NCKAP5: variants seen among roughly 807,000 people sequenced by gnomAD.
NCKAP5 encodes the protein nck-associated protein 5.
In NCKAP5, 92 loss-of-function variants were observed where a neutral mutation model predicts 167.0. That is an observed-to-expected ratio of 0.55 (90% CI 0.47 to 0.66). The LOEUF (loss-of-function observed/expected upper bound fraction) is 0.66, where lower values mean the gene tolerates loss of function less well. Among genes scored for constraint, NCKAP5 ranks in the 30% least tolerant of loss-of-function variants. The pLI is 0.00. For missense variants in NCKAP5, 2,378 were observed against 2,315.0 expected, an observed-to-expected ratio of 1.03 and a Z score of -0.56; for synonymous variants, 891 against 877.4, an observed-to-expected ratio of 1.02 and a Z score of -0.27.
At chr2:132,702,221 A>G (rs1687951471) in intron 19 of NCKAP5, among the ~76,000 whole-genome samples, 1 of 152,154 alleles carries the variant, frequency 6.6e-6, no homozygotes, top group African/African-American at 2.4e-5. Context: ...GGGTGGAGGT[A>G]AGACATTCTC....
At chr2:133,043,296 T>C (rs2079275760) in intron 6 of NCKAP5, among the ~76,000 whole-genome samples, 1 of 152,192 alleles carries the variant, frequency 6.6e-6, no homozygotes, top group African/African-American at 2.4e-5. Context: ...AATCACACTC[T>C]CCCTTCTTTA....
At chr2:132,911,127 C>T in intron 8 of NCKAP5, 1 of 217,494 alleles carries the variant, frequency 4.6e-6, no homozygotes, top group South Asian at 8.4e-5. Flanking sequence ...TTTTTCCTTC[C>T]ACCTGTCTCA....
intron 10 of NCKAP5, among the ~76,000 whole-genome samples, chr2:132,865,307 C>T (rs764242456): frequency 4.6e-5 from 7 of 152,088 alleles, no homozygotes; most frequent in African/African-American, 9.7e-5. Context: ...TAAAAGCCTT[C>T]GGATTAAACC....
intron 3 of NCKAP5, among the ~76,000 whole-genome samples, chr2:133,324,715 CT>C (rs1238360798): frequency 6.7e-5 from 10 of 149,990 alleles, no homozygotes; most frequent in African/African-American, 1.5e-4. Flanking sequence ...ATTCCAAGTG[CT>C]TTTTTTTTTC....
At chr2:133,573,249 C>T (rs1323288897), upstream of NCKAP5, among the ~76,000 whole-genome samples, 1 of 152,192 alleles carries the variant, frequency 6.6e-6, no homozygotes, top group Non-Finnish European at 1.5e-5. Flanking sequence ...TCAGATTACT[C>T]CCATAATGAC....
intron 11 of NCKAP5, among the ~76,000 whole-genome samples, chr2:132,821,198 CTG>C (rs1053350020): frequency 3.9e-5 from 6 of 152,174 alleles, no homozygotes; most frequent in African/African-American, 1.4e-4. Flanking sequence ...AGGTGAAAAA[CTG>C]TGAGTTCCCA....
At chr2:133,323,431 A>C (rs547039814) in intron 3 of NCKAP5, among the ~76,000 whole-genome samples, 6 of 152,298 alleles carry the variant, frequency 3.9e-5, no homozygotes, top group Non-Finnish European at 8.8e-5. Context: ...TTTCCTCCTC[A>C]TCCTTTGTTG....
At chr2:133,575,417 T>C in the NCKAP5 span, among the ~76,000 whole-genome samples, 4 of 152,236 alleles carry the variant, frequency 2.6e-5, no homozygotes, top group East Asian at 7.7e-4. Flanking sequence ...TTGCCACTTA[T>C]TATTTTGACT....
chr2:133,195,358 G>A (rs545340696), intron 5 of NCKAP5, among the ~76,000 whole-genome samples: 1 of 149,512 alleles, frequency 6.7e-6, no homozygotes, highest in Non-Finnish European at 1.5e-5. Flanking sequence ...GATGTCCAGA[G>A]AATAGACGAA....
intron 3 of NCKAP5, among the ~76,000 whole-genome samples, chr2:133,384,289 C>T (rs999778336): frequency 3.3e-5 from 5 of 152,160 alleles, no homozygotes; most frequent in African/African-American, 1.2e-4. Context: ...AGCCAGTTTT[C>T]CCAGCACCAT....
At chr2:133,597,625 C>T in the NCKAP5 span, among the ~76,000 whole-genome samples, 11 of 138,708 alleles carry the variant, frequency 7.9e-5, no homozygotes, top group East Asian at 8.6e-4. Flanking sequence ...GCCAAGATCG[C>T]GCCTCCAAGA....
chr2:133,154,796 G>T (rs545005346), intron 5 of NCKAP5, among the ~76,000 whole-genome samples: 1 of 152,314 alleles, frequency 6.6e-6, no homozygotes, highest in East Asian at 1.9e-4. Flanking sequence ...AGAGGGAGTG[G>T]TCTATTTGAG....
intron 4 of NCKAP5, among the ~76,000 whole-genome samples, chr2:133,298,144 A>AAAGCCTGTCAC (rs1308463024): frequency 6.6e-6 from 1 of 152,254 alleles, no homozygotes; most frequent in Non-Finnish European, 1.5e-5. Flanking sequence ...CAACCATCAT[A>AAAGCCTGTCAC]AAGCCTGTCA....
At position 133,132,481 on chromosome 2, in the gene NCKAP5, G is replaced by GCGCACACACA. The variant is rs1553546861; in HGVS notation, c.208-2371_208-2370insTGTGTGTGCG. On this transcript the variant is annotated intron_variant, in intron 5 of 19. Transcript: ENST00000409261. ...TGCCTTTTAAAACATGAAAAAAAAA[G>GCGCACACACA]CACACACACACACACACACACACAC... Among the ~76,000 whole-genome samples, 225 of 130,052 alleles carry GCGCACACACA rather than the reference G, an allele frequency of 1.7e-3. 1 individual carries two copies. Among genetic ancestry groups the GCGCACACACA allele is most frequent in the African/African-American group, 5.8e-3 (201 of 34,560 alleles). The allele number at this position is 130,052 out of a possible 152,430, so 85.3% of individuals were successfully genotyped here.
At chr2:133,228,735 A>G (rs146214178) in intron 4 of NCKAP5, among the ~76,000 whole-genome samples, 3 of 152,276 alleles carry the variant, frequency 2.0e-5, no homozygotes, top group African/African-American at 4.8e-5. Flanking sequence ...TATCCTTCAC[A>G]CCATTACCAG....
chr2:133,566,968 GC>G (rs1688597060), intron 1 of NCKAP5, among the ~76,000 whole-genome samples: 1 of 152,218 alleles, frequency 6.6e-6, no homozygotes, highest in Non-Finnish European at 1.5e-5. Context: ...ATATTTTGAG[GC>G]CTTTTGACAC....
chr2:132,882,904 G>A (rs919659195), intron 8 of NCKAP5, among the ~76,000 whole-genome samples: 1 of 151,840 alleles, frequency 6.6e-6, no homozygotes, highest in Non-Finnish European at 1.5e-5. Context: ...CATGTCCTTT[G>A]GCCGGGTGTG....
chr2:132,997,518 C>T (rs1269359153), intron 6 of NCKAP5, among the ~76,000 whole-genome samples: 2 of 152,030 alleles, frequency 1.3e-5, no homozygotes, highest in Non-Finnish European at 2.9e-5. Flanking sequence ...ATCATTCTAT[C>T]TATTTGGTAG....
chr2:133,658,801 T>C, the NCKAP5 span, among the ~76,000 whole-genome samples: 1 of 152,092 alleles, frequency 6.6e-6, no homozygotes, highest in African/African-American at 2.4e-5. Context: ...TTCCCCAATA[T>C]CCTGCTGATT....
Sources: gnomAD v4.1 joint callset for allele counts (sites outside exome capture counted in the v4.1 genomes callset) on GRCh38, gnomAD v4.1.1 for gene constraint, MANE v1.5 for transcripts, NCBI Gene and HGNC (gene_info 2026-07-23, HGNC 2026-07-21) for gene names.